Variants in ANKRD11 observed in about 807,000 individuals in gnomAD.
ANKRD11 encodes ankyrin repeat domain 11.
ANKRD11 carries 17 observed loss-of-function variants against 195.7 expected under a neutral mutation model. That is an observed-to-expected ratio of 0.09 (90% CI 0.06 to 0.13). The LOEUF (loss-of-function observed/expected upper bound fraction) is 0.13, where lower values mean the gene tolerates loss of function less well. Ranked by LOEUF, ANKRD11 falls within the 10% of genes least tolerant of loss-of-function variation. ANKRD11 has a pLI of 1.00. For missense variants in ANKRD11, 3,735 were observed against 3,566.1 expected (o/e 1.05, Z -1.21); for synonymous variants, 1,953 against 1,528.1 (o/e 1.28, Z -6.49).
intron 2 of ANKRD11, among the ~76,000 whole-genome samples, chr16:89,342,253 G>C (rs2038726329): frequency 6.6e-6 from 1 of 152,260 alleles, no homozygotes; most frequent in Admixed American, 6.5e-5. Context: ...AAAGGTTCCA[G>C]GTGGAACATC....
At chr16:89,366,087 G>A (rs557994338) in intron 2 of ANKRD11, among the ~76,000 whole-genome samples, 51 of 133,798 alleles carry the variant, frequency 3.8e-4, no homozygotes, top group Admixed American at 1.5e-3. Flanking sequence ...CTAAAATGGC[G>A]CCACTGCACT....
At chr16:89,391,033 C>T (rs1169508939) in intron 2 of ANKRD11, among the ~76,000 whole-genome samples, 1 of 151,996 alleles carries the variant, frequency 6.6e-6, no homozygotes, top group East Asian at 1.9e-4. Context: ...TCGAGACCAT[C>T]CTGGCTAACA....
At chr16:89,438,712 C>A (rs1197277193) in intron 1 of ANKRD11, among the ~76,000 whole-genome samples, 1 of 152,100 alleles carries the variant, frequency 6.6e-6, no homozygotes, top group South Asian at 2.1e-4. Flanking sequence ...CAAGCACAGT[C>A]CCTTCGAAGC....
chr16:89,351,951 C>G (rs950440848), intron 2 of ANKRD11, among the ~76,000 whole-genome samples: 2 of 152,190 alleles, frequency 1.3e-5, no homozygotes, highest in Non-Finnish European at 2.9e-5. Context: ...CACTCTGTCG[C>G]CCAGGATGGA....
intron 2 of ANKRD11, among the ~76,000 whole-genome samples, chr16:89,385,999 C>T (rs1052080860): frequency 6.6e-6 from 1 of 152,272 alleles, no homozygotes; most frequent in African/African-American, 2.4e-5. Context: ...TCCCGCTCAG[C>T]CTCCCAGGTA....
chr16:89,359,045 C>T (rs989756186), intron 2 of ANKRD11, among the ~76,000 whole-genome samples: 1 of 151,994 alleles, frequency 6.6e-6, no homozygotes, highest in Non-Finnish European at 1.5e-5. Context: ...ATGTCTAAAT[C>T]GTCAGTATTA....
At chr16:89,288,020 C>A in intron 7 of ANKRD11, 1 of 512,872 alleles carries the variant, frequency 1.9e-6, no homozygotes, top group Non-Finnish European at 3.4e-6. Context: ...CACACCACGA[C>A]CTCTCTCGAC....
At chr16:89,287,975 G>A (rs2034767620) in intron 7 of ANKRD11, 5 of 475,188 alleles carry the variant, frequency 1.1e-5, no homozygotes, top group South Asian at 1.0e-4. Flanking sequence ...TCTCCAGGCA[G>A]CACCCCTGCT....
chr16:89,330,441 C>A (rs1030416248), intron 2 of ANKRD11, among the ~76,000 whole-genome samples: 3 of 152,044 alleles, frequency 2.0e-5, no homozygotes, highest in Middle Eastern at 3.2e-3. Context: ...TGGCAGAAGG[C>A]CCAAATTCCT....
At chr16:89,313,492 G>A (rs16965550) in intron 3 of ANKRD11, 23,505 of 1,289,188 alleles carry the variant, frequency 0.018, 790 homozygotes, top group African/African-American at 0.13. Context: ...CGCACAAGCC[G>A]TCAGGTCAGC....
chr16:89,437,817 C>G (rs1363719264), intron 1 of ANKRD11, among the ~76,000 whole-genome samples: 1 of 152,182 alleles, frequency 6.6e-6, no homozygotes, highest in Non-Finnish European at 1.5e-5. Flanking sequence ...CAGCAACCCA[C>G]CCTCCAGGGC....
At chr16:89,346,445 C>T (rs1013160914) in intron 2 of ANKRD11, among the ~76,000 whole-genome samples, 2 of 152,070 alleles carry the variant, frequency 1.3e-5, no homozygotes, top group Non-Finnish European at 2.9e-5. Context: ...TAGAAAATAA[C>T]ACAATAATCA....
At chr16:89,455,149 T>C (rs1315738528) in intron 1 of ANKRD11, among the ~76,000 whole-genome samples, 53 of 64,862 alleles carry the variant, frequency 8.2e-4, no homozygotes, top group East Asian at 1.8e-3. Context: ...CTGGGTGCTG[T>C]TAGGGTTCCT....
chr16:89,431,821 G>A (rs2042990619), intron 1 of ANKRD11, among the ~76,000 whole-genome samples: 1 of 151,954 alleles, frequency 6.6e-6, no homozygotes. Context: ...ACCTTACTCG[G>A]CTCTCCTCAC....
At chr16:89,353,374 AAGT>A (rs2039313433) in intron 2 of ANKRD11, among the ~76,000 whole-genome samples, 1 of 151,142 alleles carries the variant, frequency 6.6e-6, no homozygotes, top group Admixed American at 6.6e-5. Flanking sequence ...GAGAGAGAGA[AAGT>A]AAACAAAGTT....
chr16:89,335,402 G>C (rs2038299737), intron 2 of ANKRD11, among the ~76,000 whole-genome samples: 1 of 152,232 alleles, frequency 6.6e-6, no homozygotes, highest in South Asian at 2.1e-4. Context: ...GGAGCAGCTT[G>C]AGGCCTCTGC....
intron 2 of ANKRD11, chr16:89,392,347 C>T (rs537439417): frequency 6.6e-6 from 1 of 152,304 alleles, no homozygotes; most frequent in Non-Finnish European, 1.5e-5. Context: ...ATGGCCCATT[C>T]CTGAAGGATC....
intron 2 of ANKRD11, among the ~76,000 whole-genome samples, chr16:89,346,977 A>G (rs1325748576): frequency 6.6e-6 from 1 of 152,254 alleles, no homozygotes; most frequent in African/African-American, 2.4e-5. Context: ...ACAAAATAGG[A>G]AGGCGCGAAC....
chr16:89,434,149 G>A (rs1048882420), intron 1 of ANKRD11, among the ~76,000 whole-genome samples: 8 of 152,156 alleles, frequency 5.3e-5, no homozygotes, highest in African/African-American at 1.9e-4. Context: ...CCATACGGCA[G>A]CAGCACCCCA....
Sources: allele counts gnomAD v4.1 joint callset (sites outside exome capture counted in the v4.1 genomes callset), GRCh38; gene constraint gnomAD v4.1.1; transcripts MANE v1.5; gene names NCBI Gene and HGNC (gene_info 2026-07-23, HGNC 2026-07-21).